The following NEGR1 variants were observed in gnomAD, a reference collection of about 807,000 sequenced individuals.
NEGR1 encodes the protein neuronal growth regulator 1.
NEGR1 carries 10 observed loss-of-function variants against 40.9 expected under a neutral mutation model. The observed-to-expected ratio is 0.24, with a 90% confidence interval of 0.15 to 0.42. The LOEUF (loss-of-function observed/expected upper bound fraction) is 0.42. Among genes scored for constraint, NEGR1 ranks in the 10% least tolerant of loss-of-function variants. The pLI, the probability that NEGR1 is intolerant of heterozygous loss-of-function variation, is 1.00. For synonymous variants in NEGR1, 185 were observed against 166.8 expected (o/e 1.11, Z -0.84); for missense variants, 352 against 438.9 (o/e 0.80, Z 1.77).
At chr1:72,008,351 C>G (rs902265056) in intron 1 of NEGR1, among the ~76,000 whole-genome samples, 13 of 152,062 alleles carry the variant, frequency 8.5e-5, no homozygotes, top group Non-Finnish European at 1.8e-4. Flanking sequence ...GTTTTTCTAT[C>G]TAATAAAATG....
At chr1:71,478,155 T>C (rs751498511) in intron 6 of NEGR1, among the ~76,000 whole-genome samples, 31 of 152,044 alleles carry the variant, frequency 2.0e-4, no homozygotes, top group Admixed American at 1.4e-3. Context: ...TTGATTTTGC[T>C]ATTAAAAGAC....
intron 2 of NEGR1, among the ~76,000 whole-genome samples, chr1:71,796,631 G>T (rs961641083): frequency 2.6e-5 from 4 of 152,054 alleles, no homozygotes; most frequent in Non-Finnish European, 5.9e-5. Context: ...TTTTCAAAGT[G>T]AATTCTGCAG....
chr1:71,897,531 T>C (rs1404346464), intron 2 of NEGR1, among the ~76,000 whole-genome samples: 7 of 152,192 alleles, frequency 4.6e-5, no homozygotes, highest in African/African-American at 1.4e-4. Context: ...TCAGGGCTTG[T>C]GACAAATGAA....
At chr1:72,015,878 A>C (rs1045053308) in intron 1 of NEGR1, among the ~76,000 whole-genome samples, 1 of 152,064 alleles carries the variant, frequency 6.6e-6, no homozygotes, top group African/African-American at 2.4e-5. Context: ...AAATAATCTC[A>C]AAGTATATCA....
intron 6 of NEGR1, among the ~76,000 whole-genome samples, chr1:71,435,046 G>C (rs528017061): frequency 5.9e-5 from 9 of 151,598 alleles, no homozygotes; most frequent in Admixed American, 1.3e-4. Context: ...AGCCGAGATT[G>C]CGCCAATGCA....
chr1:71,831,220 T>C (rs948775824), intron 2 of NEGR1, among the ~76,000 whole-genome samples: 3 of 152,048 alleles, frequency 2.0e-5, no homozygotes, highest in Admixed American at 6.6e-5. Context: ...AAATTTCATG[T>C]TCATTCAAAT....
chr1:72,078,290 G>T, intron 1 of NEGR1, among the ~76,000 whole-genome samples: 1 of 152,218 alleles, frequency 6.6e-6, no homozygotes. Context: ...ATATCTCAGT[G>T]AGTTCACCTT....
chr1:72,247,389 A>G (rs1654936676), intron 1 of NEGR1, among the ~76,000 whole-genome samples: 1 of 152,214 alleles, frequency 6.6e-6, no homozygotes, highest in African/African-American at 2.4e-5. Context: ...TTGCTCCTGC[A>G]TTTGAGCATA....
intron 1 of NEGR1, among the ~76,000 whole-genome samples, chr1:71,957,595 T>C (rs527902352): frequency 1.6e-3 from 249 of 152,294 alleles, no homozygotes; most frequent in Middle Eastern, 6.8e-3. Context: ...AAGGCCTTTG[T>C]AAAAGATTAA....
At chr1:72,275,085 C>G in intron 1 of NEGR1, 2 of 951,864 alleles carry the variant, frequency 2.1e-6, no homozygotes, top group Non-Finnish European at 1.7e-6. Context: ...CCAGTGACCT[C>G]CTGATACCGA....
intron 1 of NEGR1, among the ~76,000 whole-genome samples, chr1:72,070,093 A>T (rs1647399954): frequency 6.6e-6 from 1 of 152,164 alleles, no homozygotes; most frequent in South Asian, 2.1e-4. Context: ...AGACTTTTTT[A>T]AAAAATTAAT....
chr1:71,704,658 C>A lies in NEGR1; in HGVS notation c.536-6519G>T, dbSNP rs186432319. Among the ~76,000 whole-genome samples the A allele has an allele frequency of 1.9e-3, 281 of 151,786 alleles. 2 individuals are homozygous for A. The highest frequency in any genetic ancestry group is 6.6e-3 in the African/African-American group (274 of 41,504). ...GAAATTGACTTTGTAATTAAAAGAT[C>A]ACTCACAGAGAAAACTTCAAGATCA... On this transcript the variant is annotated intron_variant, in intron 3 of 6. Transcript: ENST00000357731.
At chr1:71,582,311 G>A (rs1474458441) in intron 6 of NEGR1, among the ~76,000 whole-genome samples, 1 of 152,056 alleles carries the variant, frequency 6.6e-6, no homozygotes, top group Non-Finnish European at 1.5e-5. Flanking sequence ...ATCTTGTAAT[G>A]TTTCTTCATG....
intron 3 of NEGR1, among the ~76,000 whole-genome samples, chr1:71,704,594 AAAAT>A (rs1343039656): frequency 4.6e-5 from 7 of 151,820 alleles, no homozygotes; most frequent in African/African-American, 1.4e-4. Context: ...TAATTTAGAA[AAAAT>A]AAATAATCTG....
In NEGR1 at chr1:71,728,126, G is replaced by C. The variant is rs138218210; in HGVS notation, c.536-29987C>G. 6.4e-3 allele frequency among the ~76,000 whole-genome samples: 971 copies of C among 152,228 alleles called. 13 individuals carry two copies. The highest frequency in any genetic ancestry group is 0.022 in the African/African-American group (927 of 41,536). On this transcript the variant is annotated intron_variant, in intron 3 of 6. Coordinates refer to ENST00000357731, the MANE Select transcript of NEGR1 (RefSeq NM_173808.3). ...CTTAGAAGAGTTTCTAATGTGAGCA[G>C]GCAGACCAGAATTATCCAGTCAAAA...
intron 1 of NEGR1, among the ~76,000 whole-genome samples, chr1:72,226,947 C>T (rs12125336): frequency 0.2 from 30,829 of 151,830 alleles, 3,702 homozygotes; most frequent in South Asian, 0.28. Flanking sequence ...CACAGCATAG[C>T]TACCAAGCTG....
In NEGR1 at chr1:71,888,568, G is replaced by A. The variant is rs1324296410; in HGVS notation, c.409+46511C>T. On this transcript the variant is annotated intron_variant, in intron 2 of 6. Coordinates refer to ENST00000357731, the MANE Select transcript of NEGR1 (RefSeq NM_173808.3). ...CCACACCTGGCTGAGAGGGTCCTACGCCCACGGAATCTCGCTGATTGCTAG... is the reference window on the plus strand; with the variant it reads ...CCACACCTGGCTGAGAGGGTCCTACACCCACGGAATCTCGCTGATTGCTAG... Among the ~76,000 whole-genome samples, 4 of 149,788 alleles carry A rather than the reference G, an allele frequency of 2.7e-5. No individual in the cohort carries two copies. In the East Asian group the frequency reaches 6.0e-4, roughly 23 times the overall value.
intron 2 of NEGR1, among the ~76,000 whole-genome samples, chr1:71,857,457 CAAAAAAAA>C (rs34177437): frequency 3.9e-4 from 30 of 77,654 alleles, no homozygotes; most frequent in East Asian, 6.7e-4. Context: ...ACAAAAAATA[CAAAAAAAA>C]AAAAAAAAAA....
intron 1 of NEGR1, among the ~76,000 whole-genome samples, chr1:72,003,465 C>T (rs1954600): frequency 0.25 from 38,152 of 151,576 alleles, 5,525 homozygotes; most frequent in African/African-American, 0.39. Context: ...GACATAGGTG[C>T]AGGATGGCAT....
Sources: allele counts gnomAD v4.1 joint callset (sites outside exome capture counted in the v4.1 genomes callset), GRCh38; gene constraint gnomAD v4.1.1; transcripts MANE v1.5; gene names NCBI Gene and HGNC (gene_info 2026-07-23, HGNC 2026-07-21).